Variants in MACF1 observed in about 807,000 individuals in gnomAD.
The protein encoded by MACF1 is microtubule actin crosslinking factor 1.
In MACF1, 193 loss-of-function variants were observed where a neutral mutation model predicts 854.8. That is an observed-to-expected ratio of 0.23 (90% CI 0.20 to 0.25). The LOEUF (loss-of-function observed/expected upper bound fraction) is 0.25. MACF1 is among the 10% of genes least tolerant of loss of function. The pLI is 1.00. For synonymous variants in MACF1, 3,185 were observed against 3,226.7 expected (o/e 0.99, Z 0.44); for missense variants, 7,722 against 8,929.1 (o/e 0.86, Z 5.45).
Position 39,105,910 on chromosome 1 carries a change from C to T in MACF1, c.220+21472C>T, listed in dbSNP as rs992074624. On this transcript the variant is annotated intron_variant, in intron 2 of 93. Coordinates refer to the MACF1 transcript ENST00000361689. The surrounding 1 kb of genome is among the most constrained non-coding windows in gnomAD (Gnocchi z 5.9). Reference sequence around the variant, plus strand: ...GAGATAAGCCTTCGGAAACCGCCCCCGGGGCAGTCGGCGCGCTCAGAGCGC... The same window carrying T: ...GAGATAAGCCTTCGGAAACCGCCCCTGGGGCAGTCGGCGCGCTCAGAGCGC... Among the ~76,000 whole-genome samples, 6 of 152,188 alleles carry T rather than the reference C, an allele frequency of 3.9e-5. No homozygotes were observed. Among genetic ancestry groups the T allele is most frequent in the Non-Finnish European group, 8.8e-5 (6 of 68,016 alleles).
intron 4 of MACF1, among the ~76,000 whole-genome samples, chr1:39,253,675 G>A (rs1223927161): frequency 1.3e-5 from 2 of 151,942 alleles, no homozygotes; most frequent in Non-Finnish European, 2.9e-5. Context: ...CACCACGCCC[G>A]GCTAATTTTT....
chr1:39,438,348 A>G (rs577257267), intron 71 of MACF1, among the ~76,000 whole-genome samples: 1 of 152,358 alleles, frequency 6.6e-6, no homozygotes, highest in African/African-American at 2.4e-5. Context: ...ACTGGAAACA[A>G]GAGTTCTCAT....
intron 2 of MACF1, among the ~76,000 whole-genome samples, chr1:39,233,638 G>T (rs1166037974): frequency 6.6e-6 from 1 of 152,106 alleles, no homozygotes; most frequent in Non-Finnish European, 1.5e-5. Flanking sequence ...AGTGGGTACT[G>T]CAGGTGAGCA....
In MACF1 at chr1:39,453,562, A is replaced by G. The variant is rs687848; in HGVS notation, c.20743-145A>G. 366,627 of 675,280 alleles carry G rather than the reference A, an allele frequency of 0.54. 102,311 individuals carry two copies. The highest frequency in any genetic ancestry group is 0.61 in the Middle Eastern group (1,453 of 2,392). 41.8% of individuals were successfully genotyped at this position (675,280 alleles called of 1,614,324 possible). A position where few individuals can be genotyped will look rare whatever the true frequency, so the allele number is the denominator to read the frequency against. Reference sequence around the variant, plus strand: ...CCACATCTTTTAGAATGAAAATGCCATAAATAACTATACAGGCTTTTAGAG... The same window carrying G: ...CCACATCTTTTAGAATGAAAATGCCGTAAATAACTATACAGGCTTTTAGAG... On this transcript the variant is annotated intron_variant, in intron 87 of 100. Coordinates refer to ENST00000564288, the MANE Select transcript of MACF1 (RefSeq NM_001394062.1).
chr1:39,335,995 T>C lies in MACF1; in HGVS notation c.9407T>C (p.Phe3136Ser). ...CAAATTTCCAAAACAGACAAGTCTT[T>C]CCAAGGAACCACCAGACAGGAGACC... ...PSQISKTDKS[F>S]QGTTRQETNY... Residue 3136 changes from phenylalanine to serine, a missense_variant, in exon 37 of 101, where the codon TTC becomes TCC. Transcript: ENST00000564288. 2 of 1,614,138 alleles carry C rather than the reference T, an allele frequency of 1.2e-6. No homozygotes were observed. Among genetic ancestry groups the C allele is most frequent in the South Asian group, 2.2e-5 (2 of 91,076 alleles).
chr1:39,413,822 C>T lies in MACF1; in HGVS notation c.15817-8552C>T. 3 of 1,611,650 alleles carry T rather than the reference C, an allele frequency of 1.9e-6. No individual in the cohort carries two copies. In the South Asian group the frequency reaches 3.3e-5, roughly 18 times the overall value. ...ACCCCAGCAGAATCTGCCTCCTTTG[C>T]AGCTGTGGTGGCCACCCTGGAGGAA... On this transcript the variant is annotated intron_variant, in intron 58 of 100. Coordinates refer to ENST00000564288, the MANE Select transcript of MACF1 (RefSeq NM_001394062.1).
At chr1:39,277,312 C>G (rs1057397173) in intron 6 of MACF1, among the ~76,000 whole-genome samples, 28 of 152,132 alleles carry the variant, frequency 1.8e-4, no homozygotes, top group African/African-American at 6.7e-4. Flanking sequence ...AAAAAGATAG[C>G]TTTATTGAAG....
Position 39,442,414 on chromosome 1 carries a change from C to T in MACF1, c.18951C>T (p.His6317=), listed in dbSNP as rs1232198602. Residue 6317 remains histidine (H), a splice_region_variant and synonymous_variant, in exon 77 of 101, where the codon CAC becomes CAT. Transcript: ENST00000564288. ...NLGEKIAHRQ[H]KLEGALLALG... ...CCTTTCTGTCTTTTCCTGAGTAGCA[C>T]AAACTAGAAGGGGCTCTGTTGGCCC... 6.2e-7 allele frequency: 1 copy of T among 1,612,832 alleles called. No homozygotes were observed. The highest frequency in any genetic ancestry group is 1.7e-5 in the Admixed American group (1 of 59,622).
rs370805398 is a variant in MACF1 at position 39,220,481 on chromosome 1, AT to A, written c.110-10682del. Among the ~76,000 whole-genome samples the A allele has an allele frequency of 2.2e-3, 283 of 126,398 alleles. 1 individual carries two copies. Among genetic ancestry groups the A allele is most frequent in the African/African-American group, 7.8e-3 (257 of 32,896 alleles). The allele number at this position is 126,398 out of a possible 152,430, so 82.9% of individuals were successfully genotyped here. On this transcript the variant is annotated intron_variant, in intron 1 of 100. Transcript: ENST00000564288. ...AGCCACTGCTTCTGGCCTTTAATGA[AT>A]TTTTTTTTTTTTTTTTTTAAGACAG...
intron 2 of MACF1, among the ~76,000 whole-genome samples, chr1:39,186,822 C>G (rs1644180092): frequency 6.6e-6 from 1 of 151,738 alleles, no homozygotes; most frequent in African/African-American, 2.4e-5. Flanking sequence ...GTTCTCCAGG[C>G]TAGTCTCAAA....
At chr1:39,354,038 T>C (rs1647313307) in intron 44 of MACF1, among the ~76,000 whole-genome samples, 1 of 152,166 alleles carries the variant, frequency 6.6e-6, no homozygotes, top group Non-Finnish European at 1.5e-5. Context: ...CTTTTTATGG[T>C]TCCCTGTTGC....
chr1:39,406,756 A>AAAAAAAAAAAAAAAAAAAAAAAAACAAC, intron 58 of MACF1, among the ~76,000 whole-genome samples: 1 of 116,086 alleles, frequency 8.6e-6, no homozygotes, highest in South Asian at 2.6e-4. Context: ...AAAAAAAAAA[A>AAAAAAAAAAAAAAAAAAAAAAAAACAAC]AACATTCTTT....
intron 6 of MACF1, among the ~76,000 whole-genome samples, chr1:39,281,041 C>G (rs140924189): frequency 5.9e-5 from 9 of 152,146 alleles, no homozygotes; most frequent in African/African-American, 2.2e-4. Context: ...TGTGTAATCT[C>G]GCTGATTATC....
chr1:39,470,915 T>C (rs770299848), intron 97 of MACF1, among the ~76,000 whole-genome samples: 24 of 152,232 alleles, frequency 1.6e-4, no homozygotes, highest in Non-Finnish European at 3.4e-4. Flanking sequence ...GATAACATCA[T>C]GCTGCTGGCC....
intron 40 of MACF1, among the ~76,000 whole-genome samples, chr1:39,343,986 A>G (rs911924270): frequency 3.3e-5 from 5 of 152,050 alleles, no homozygotes; most frequent in African/African-American, 1.2e-4. Context: ...GTGGTGGCAC[A>G]TGCCTGTAAT....
chr1:39,360,003 AAAAAAAAAAATATATATATATATAT>A (rs1647946122), intron 47 of MACF1, among the ~76,000 whole-genome samples: 1 of 72,766 alleles, frequency 1.4e-5, no homozygotes, highest in South Asian at 4.4e-4. Context: ...AAAAAAAAAA[AAAAAAAAAAATATATATATATATAT>A]ATATATATAT....
At chr1:39,319,454 T>C (rs1646472336) in intron 30 of MACF1, among the ~76,000 whole-genome samples, 2 of 152,000 alleles carry the variant, frequency 1.3e-5, no homozygotes, top group African/African-American at 4.8e-5. Context: ...TACAAAAGAT[T>C]AAAAAGACAA....
At chr1:39,281,760 T>C (rs1023719985) in intron 6 of MACF1, among the ~76,000 whole-genome samples, 18 of 152,236 alleles carry the variant, frequency 1.2e-4, no homozygotes, top group Non-Finnish European at 2.2e-4. Flanking sequence ...AATTTAAGCT[T>C]TTTATAACTT....
intron 2 of MACF1, among the ~76,000 whole-genome samples, chr1:39,114,182 G>GTTT (rs10715454): frequency 4.9e-5 from 7 of 142,460 alleles, no homozygotes; most frequent in East Asian, 2.0e-4. Flanking sequence ...ATACTTTACT[G>GTTT]TTTTTTTTTT....
Sources: gnomAD v4.1 joint callset for allele counts (sites outside exome capture counted in the v4.1 genomes callset) on GRCh38, gnomAD v4.1.1 for gene constraint, Gnocchi (gnomAD v3.1) non-coding constraint, MANE v1.5 for transcripts, NCBI Gene and HGNC (gene_info 2026-07-23, HGNC 2026-07-21) for gene names.